TCERG1L: variants seen among roughly 807,000 people sequenced by gnomAD.
TCERG1L encodes the protein transcription elongation regulator 1 like.
Under a neutral mutation model 56.3 loss-of-function variants are expected in TCERG1L, and 37 were observed. The observed-to-expected ratio is 0.66, with a 90% confidence interval of 0.51 to 0.87. The LOEUF is 0.87. Among genes scored for constraint, TCERG1L ranks in the 40% least tolerant of loss-of-function variants. TCERG1L has a pLI of 0.00. For synonymous variants in TCERG1L, 324 were observed against 326.3 expected (o/e 0.99, Z 0.08); for missense variants, 799 against 774.2 (o/e 1.03, Z -0.38).
At chr10:131,309,834 CAAAAA>C (rs58892586) in intron 1 of TCERG1L, among the ~76,000 whole-genome samples, 5 of 49,824 alleles carry the variant, frequency 1.0e-4, no homozygotes, top group African/African-American at 3.4e-4. Context: ...GATTCTATGG[CAAAAA>C]AAAAAAAAAA....
At position 131,103,559 on chromosome 10, in the gene TCERG1L, C is replaced by T. The variant is rs1845323294; in HGVS notation, c.1485+706G>A. Among the ~76,000 whole-genome samples the T allele has an allele frequency of 6.6e-6, 1 of 152,162 alleles. No homozygotes were observed. The highest frequency in any genetic ancestry group is 1.5e-5 in the Non-Finnish European group (1 of 68,034). On this transcript the variant is annotated intron_variant, in intron 10 of 11. Coordinates refer to ENST00000368642, the MANE Select transcript of TCERG1L (RefSeq NM_174937.4). The surrounding 1 kb of genome is among the most constrained non-coding windows in gnomAD (Gnocchi z 4.3). ...TACAAAAATTAGCCAGGCGTGGTGG[C>T]TGGAGCCTGTAGTCTCAGCTGCTCA...
intron 4 of TCERG1L, among the ~76,000 whole-genome samples, chr10:131,232,764 T>C (rs1164813564): frequency 6.6e-6 from 1 of 151,958 alleles, no homozygotes; most frequent in African/African-American, 2.4e-5. Context: ...CACACAAGTG[T>C]CCCCCAACCC....
intron 4 of TCERG1L, among the ~76,000 whole-genome samples, chr10:131,229,205 C>T (rs1355110967): frequency 6.6e-6 from 1 of 152,218 alleles, no homozygotes; most frequent in Non-Finnish European, 1.5e-5. Context: ...CTCAAGGACT[C>T]CGGAGTCTCC....
At chr10:131,250,008 G>A (rs772553612) in intron 4 of TCERG1L, among the ~76,000 whole-genome samples, 93 of 152,208 alleles carry the variant, frequency 6.1e-4, no homozygotes, top group Non-Finnish European at 8.5e-4. Flanking sequence ...AACACTGTTC[G>A]GGGCAGCCAG....
At chr10:131,175,346 G>A (rs766117048) in intron 4 of TCERG1L, among the ~76,000 whole-genome samples, 2 of 152,242 alleles carry the variant, frequency 1.3e-5, no homozygotes, top group African/African-American at 2.4e-5. Context: ...ACGCTTGCAC[G>A]GAGGCATGCC....
intron 4 of TCERG1L, among the ~76,000 whole-genome samples, chr10:131,202,643 A>G (rs1845454169): frequency 6.6e-6 from 1 of 152,216 alleles, no homozygotes; most frequent in African/African-American, 2.4e-5. Context: ...TCTTTAAGGT[A>G]CACTGCTAAG....
At chr10:131,247,176 C>G (rs530504561) in intron 4 of TCERG1L, among the ~76,000 whole-genome samples, 1 of 152,164 alleles carries the variant, frequency 6.6e-6, no homozygotes, top group East Asian at 1.9e-4. Flanking sequence ...CCACACACAG[C>G]GACGGACACA....
intron 4 of TCERG1L, among the ~76,000 whole-genome samples, chr10:131,176,537 T>G (rs1447313090): frequency 1.1e-4 from 17 of 148,756 alleles, no homozygotes; most frequent in African/African-American, 4.2e-4. Context: ...CAAACACGTG[T>G]ACACCCACAG....
At chr10:131,244,458 G>A (rs1564824198) in intron 4 of TCERG1L, among the ~76,000 whole-genome samples, 1 of 152,130 alleles carries the variant, frequency 6.6e-6, no homozygotes, top group African/African-American at 2.4e-5. Context: ...AGTAGGTGGG[G>A]AGGGGCCTCT....
chr10:131,301,009 G>A (rs1309909045), intron 3 of TCERG1L, among the ~76,000 whole-genome samples: 3 of 151,982 alleles, frequency 2.0e-5, no homozygotes, highest in East Asian at 1.9e-4. Context: ...TGGCATGTAT[G>A]AAAATCTTTT....
intron 6 of TCERG1L, chr10:131,160,981 C>T (rs1336944969): frequency 1.3e-5 from 2 of 152,196 alleles, no homozygotes; most frequent in South Asian, 4.1e-4. Flanking sequence ...GTTTCCCCAT[C>T]CTGCAGCGTG....
At chr10:131,176,172 G>C (rs545528721) in intron 4 of TCERG1L, among the ~76,000 whole-genome samples, 1 of 152,244 alleles carries the variant, frequency 6.6e-6, no homozygotes, top group South Asian at 2.1e-4. Flanking sequence ...GTTACTTTGG[G>C]TGCCTGAGCT....
At chr10:131,212,133 C>T (rs530838706) in intron 4 of TCERG1L, among the ~76,000 whole-genome samples, 72 of 152,284 alleles carry the variant, frequency 4.7e-4, no homozygotes, top group South Asian at 1.9e-3. Context: ...GGGAACCATC[C>T]CTGCCCAAAA....
chr10:131,113,920 C>G (rs1845431194), intron 9 of TCERG1L, among the ~76,000 whole-genome samples: 1 of 142,522 alleles, frequency 7.0e-6, no homozygotes, highest in African/African-American at 2.5e-5. Flanking sequence ...ACCTGCTGTT[C>G]AATTAAACTT....
At chr10:131,186,672 C>A (rs1251322537) in intron 4 of TCERG1L, among the ~76,000 whole-genome samples, 1 of 152,142 alleles carries the variant, frequency 6.6e-6, no homozygotes, top group African/African-American at 2.4e-5. Context: ...AATGTGTCCC[C>A]GAGGAGCCCC....
At chr10:131,299,481 T>C (rs964509865) in intron 3 of TCERG1L, among the ~76,000 whole-genome samples, 1 of 152,132 alleles carries the variant, frequency 6.6e-6, no homozygotes, top group African/African-American at 2.4e-5. Context: ...CTCTACTGTT[T>C]TATATCTTTT....
intron 8 of TCERG1L, among the ~76,000 whole-genome samples, chr10:131,132,015 A>C (rs1845623612): frequency 6.6e-6 from 1 of 152,174 alleles, no homozygotes; most frequent in Non-Finnish European, 1.5e-5. Flanking sequence ...AGGGATCAAA[A>C]TGCCATGTTG....
At chr10:131,228,003 G>T (rs775509618) in intron 4 of TCERG1L, among the ~76,000 whole-genome samples, 17 of 140,204 alleles carry the variant, frequency 1.2e-4, no homozygotes, top group Non-Finnish European at 2.3e-4. Context: ...CACCTGACTT[G>T]GACTCTGTCC....
intron 4 of TCERG1L, among the ~76,000 whole-genome samples, chr10:131,210,170 T>C (rs1045990558): frequency 1.3e-5 from 2 of 152,260 alleles, no homozygotes; most frequent in South Asian, 2.1e-4. Context: ...TCTTTTGTTA[T>C]TACCATAACT....
Sources: gnomAD v4.1 joint callset for allele counts (sites outside exome capture counted in the v4.1 genomes callset) on GRCh38, gnomAD v4.1.1 for gene constraint, Gnocchi (gnomAD v3.1) non-coding constraint, MANE v1.5 for transcripts, NCBI Gene and HGNC (gene_info 2026-07-23, HGNC 2026-07-21) for gene names.